The following TBC1D5 variants were observed in gnomAD, a reference collection of about 807,000 sequenced individuals.
TBC1D5 encodes TBC1 domain family member 5, also known as TBC1 domain family, member 5.
In TBC1D5, 75 loss-of-function variants were observed where a neutral mutation model predicts 100.3. The observed-to-expected ratio is 0.75, with a 90% CI of 0.62 to 0.91. The LOEUF (loss-of-function observed/expected upper bound fraction) is 0.91, where lower values mean the gene tolerates loss of function less well. Among genes scored for constraint, TBC1D5 ranks in the 40% least tolerant of loss-of-function variants. The pLI is 0.00. For missense variants in TBC1D5, 910 were observed against 942.4 expected, an observed-to-expected ratio of 0.97 and a Z score of 0.45; for synonymous variants, 323 against 325.6, an observed-to-expected ratio of 0.99 and a Z score of 0.09.
chr3:17,542,839 C>T (rs1315881741), intron 2 of TBC1D5, among the ~76,000 whole-genome samples: 1 of 152,160 alleles, frequency 6.6e-6, no homozygotes, highest in African/African-American at 2.4e-5. Flanking sequence ...ATCCTATTAA[C>T]ATACAGCTGC....
At chr3:17,706,682 A>G (rs2153909132) in intron 1 of TBC1D5, among the ~76,000 whole-genome samples, 1 of 152,254 alleles carries the variant, frequency 6.6e-6, no homozygotes, top group East Asian at 1.9e-4. Flanking sequence ...TTAAAAGGTT[A>G]TGACTTATAT....
intron 2 of TBC1D5, among the ~76,000 whole-genome samples, chr3:17,561,557 C>T (rs577897161): frequency 2.6e-5 from 4 of 151,796 alleles, no homozygotes; most frequent in South Asian, 2.1e-4. Flanking sequence ...AAGTGGAAGG[C>T]GAAAAAACAT....
chr3:17,586,983 G>C (rs1405257851), intron 2 of TBC1D5, among the ~76,000 whole-genome samples: 1 of 151,738 alleles, frequency 6.6e-6, no homozygotes, highest in Non-Finnish European at 1.5e-5. Context: ...TTTGACATTT[G>C]AAAACAAATG....
intron 2 of TBC1D5, among the ~76,000 whole-genome samples, chr3:17,543,054 G>A (rs1359295342): frequency 6.6e-6 from 1 of 152,012 alleles, no homozygotes; most frequent in Non-Finnish European, 1.5e-5. Context: ...ATCAACTGGG[G>A]ACTTGTGAAA....
chr3:17,579,630 A>T (rs1356699580), intron 2 of TBC1D5, among the ~76,000 whole-genome samples: 1 of 152,198 alleles, frequency 6.6e-6, no homozygotes, highest in Non-Finnish European at 1.5e-5. Flanking sequence ...CTGCACATAT[A>T]GTGAAAACCT....
At chr3:17,551,011 T>C (rs2096467557) in intron 2 of TBC1D5, among the ~76,000 whole-genome samples, 1 of 152,162 alleles carries the variant, frequency 6.6e-6, no homozygotes, top group Non-Finnish European at 1.5e-5. Context: ...TAGCTTTAAT[T>C]AAAAAACAAG....
chr3:17,703,210 T>C (rs1445586730), intron 1 of TBC1D5, among the ~76,000 whole-genome samples: 4 of 152,040 alleles, frequency 2.6e-5, no homozygotes, highest in Non-Finnish European at 5.9e-5. Context: ...TATTCCATAG[T>C]GCCTTCTGAG....
intron 8 of TBC1D5, among the ~76,000 whole-genome samples, chr3:17,397,094 T>TG (rs2093527514): frequency 1.3e-5 from 2 of 152,106 alleles, no homozygotes; most frequent in African/African-American, 4.8e-5. Context: ...CACATATGCC[T>TG]GGTATCTACC....
At chr3:17,637,188 ATTTTTTTTT>A (rs1186523023) in intron 1 of TBC1D5, among the ~76,000 whole-genome samples, 1 of 95,474 alleles carries the variant, frequency 1.0e-5, no homozygotes, top group African/African-American at 4.8e-5. Flanking sequence ...TGCCCGACTA[ATTTTTTTTT>A]TTTTTTTTTT....
chr3:17,272,291 T>C (rs2149703906), intron 15 of TBC1D5, among the ~76,000 whole-genome samples: 1 of 149,638 alleles, frequency 6.7e-6, no homozygotes, highest in East Asian at 1.9e-4. Context: ...AATCAACAAA[T>C]GATACACTGT....
intron 3 of TBC1D5, among the ~76,000 whole-genome samples, chr3:17,455,495 T>C (rs2095058579): frequency 7.5e-6 from 1 of 133,994 alleles, no homozygotes; most frequent in South Asian, 2.3e-4. Flanking sequence ...TATATGTGTA[T>C]ATATATATGT....
intron 17 of TBC1D5, among the ~76,000 whole-genome samples, chr3:17,234,174 C>G (rs908830449): frequency 6.6e-6 from 1 of 152,022 alleles, no homozygotes; most frequent in Non-Finnish European, 1.5e-5. Context: ...TTTTAACTAA[C>G]TTGAAACCAA....
intron 2 of TBC1D5, among the ~76,000 whole-genome samples, chr3:17,582,211 T>G (rs2096702914): frequency 6.6e-6 from 1 of 152,254 alleles, no homozygotes; most frequent in Non-Finnish European, 1.5e-5. Flanking sequence ...TTGTTTTCAC[T>G]GTGATAGCTC....
rs540987548 is a variant in TBC1D5, at chr3:17,495,409, T to C, written c.97+13065A>G. Among the ~76,000 whole-genome samples the C allele has an allele frequency of 3.3e-5, 5 of 152,376 alleles. No individual in the cohort carries two copies. In the South Asian group the frequency reaches 1.0e-3, roughly 32 times the overall value. ...CAGATTATCAAGCTAATTTTTTAAA[T>C]TAGAGTACTGAATTCTCTGGATTGC... On this transcript the variant is annotated intron_variant, in intron 3 of 21. Transcript: ENST00000253692.
In TBC1D5 at chr3:17,640,844, A is replaced by G. The variant is rs1422603516; in HGVS notation, c.-100-16931T>C. Reference sequence around the variant, plus strand: ...TATTTCTATACCTAGAATAATACTAATTCAATCAGCTAGATATTAGGCCCT... The same window carrying G: ...TATTTCTATACCTAGAATAATACTAGTTCAATCAGCTAGATATTAGGCCCT... On this transcript the variant is annotated intron_variant, in intron 1 of 21. Transcript: ENST00000253692. 5.3e-5 allele frequency among the ~76,000 whole-genome samples: 8 copies of G among 152,244 alleles called. No homozygotes were observed. The South Asian group carries it at 1.0e-3, about 20-fold the overall frequency.
chr3:17,174,127 G>A (rs370596038), intron 19 of TBC1D5, among the ~76,000 whole-genome samples: 57 of 152,218 alleles, frequency 3.7e-4, no homozygotes, highest in Admixed American at 1.1e-3. Context: ...AACTTACCAC[G>A]TCTAAGCATC....
At chr3:17,540,701 G>A (rs2096343348) in intron 2 of TBC1D5, among the ~76,000 whole-genome samples, 2 of 151,884 alleles carry the variant, frequency 1.3e-5, no homozygotes, top group African/African-American at 4.8e-5. Context: ...GAGGTCAAGA[G>A]ATCGAGACCA....
At chr3:17,311,563 G>A (rs17043352) in intron 13 of TBC1D5, among the ~76,000 whole-genome samples, 2 of 152,046 alleles carry the variant, frequency 1.3e-5, no homozygotes, top group African/African-American at 4.8e-5. Context: ...GAAACACCAA[G>A]AGAAATTCAT....
intron 1 of TBC1D5, among the ~76,000 whole-genome samples, chr3:17,736,692 C>T (rs2153999202): frequency 6.6e-6 from 1 of 152,194 alleles, no homozygotes; most frequent in Admixed American, 6.5e-5. Flanking sequence ...GCTGGGACAC[C>T]TCCAAAGTCT....
Sources: allele counts gnomAD v4.1 joint callset (sites outside exome capture counted in the v4.1 genomes callset), GRCh38; gene constraint gnomAD v4.1.1; transcripts MANE v1.5; gene names NCBI Gene and HGNC (gene_info 2026-07-23, HGNC 2026-07-21).